The following MYH11 variants were observed in gnomAD, a reference collection of about 807,000 sequenced individuals.
MYH11 encodes myosin-11.
A neutral mutation model predicts 246.6 loss-of-function variants in MYH11; 80 were observed. The ratio of observed to expected loss-of-function variants is 0.32; its 90% CI spans 0.27 to 0.39. The LOEUF (loss-of-function observed/expected upper bound fraction) is 0.39, where lower values mean the gene tolerates loss of function less well. MYH11 is among the 10% of genes least tolerant of loss of function. The pLI is 1.00. For missense variants in MYH11, 2,158 were observed against 2,546.8 expected (o/e 0.85, Z 3.29); for synonymous variants, 1,071 against 1,015.5 (o/e 1.05, Z -1.04).
At chr16:15,799,383 C>T (rs1197709182) in intron 3 of MYH11, among the ~76,000 whole-genome samples, 3 of 152,142 alleles carry the variant, frequency 2.0e-5, no homozygotes, top group Non-Finnish European at 4.4e-5. Flanking sequence ...TCCTTTCTGC[C>T]CCTGGGCCCA....
intron 24 of MYH11, 116 bp downstream of exon 24, chr16:15,738,449 G>A (rs941838175): frequency 1.0e-6 from 1 of 982,172 alleles, no homozygotes; most frequent in African/African-American, 1.6e-5. Flanking sequence ...GGAGTTTCGG[G>A]CTGCAGTGAG....
chr16:15,854,830 C>A, intron 1 of MYH11, among the ~76,000 whole-genome samples: 1 of 120,032 alleles, frequency 8.3e-6, no homozygotes, highest in Non-Finnish European at 1.8e-5. Context: ...CAATTCCCTC[C>A]CACCCCCCAC....
At chr16:15,795,748 G>A (rs1179837787) in intron 4 of MYH11, among the ~76,000 whole-genome samples, 1 of 152,234 alleles carries the variant, frequency 6.6e-6, no homozygotes, top group Non-Finnish European at 1.5e-5. Context: ...GCAGTGGCCT[G>A]TTTCTCAGTT....
At chr16:15,823,794 G>A (rs1196944875) in intron 2 of MYH11, among the ~76,000 whole-genome samples, 1 of 152,002 alleles carries the variant, frequency 6.6e-6, no homozygotes, top group Non-Finnish European at 1.5e-5. Flanking sequence ...CCTGGCTGAT[G>A]TTTATATTTT....
intron 3 of MYH11, among the ~76,000 whole-genome samples, chr16:15,818,140 C>T (rs58037351): frequency 0.074 from 11,231 of 152,252 alleles, 493 homozygotes; most frequent in South Asian, 0.13. Flanking sequence ...TTACCCATCC[C>T]TCCTCAATCC....
chr16:15,729,234 G>A (rs1445255522), intron 27 of MYH11, among the ~76,000 whole-genome samples: 1 of 152,114 alleles, frequency 6.6e-6, no homozygotes, highest in Non-Finnish European at 1.5e-5. Context: ...ACGAGGGCCT[G>A]GGGAGCCCAG....
chr16:15,715,856 T>C (rs959175794), intron 38 of MYH11, among the ~76,000 whole-genome samples: 10 of 152,214 alleles, frequency 6.6e-5, no homozygotes, highest in Admixed American at 6.5e-4. Flanking sequence ...CCAGGCGTGG[T>C]GGCTCATGCC....
Position 15,750,096 on chromosome 16 carries a change from C to T in MYH11, c.2058+42G>A. On this transcript the variant is annotated intron_variant, in intron 16 of 40. Coordinates refer to ENST00000300036, the MANE Select transcript of MYH11 (RefSeq NM_002474.3). The surrounding 1 kb of genome is among the most constrained non-coding windows in gnomAD (Gnocchi z 4.3). ...GGACGCTGTGACCGCTTGGGACAGCCCTGGCTTCTGGGAGCCCCAGGGTCT... is the reference window on the plus strand; with the variant it reads ...GGACGCTGTGACCGCTTGGGACAGCTCTGGCTTCTGGGAGCCCCAGGGTCT... The T allele has an allele frequency of 6.2e-7, 1 of 1,612,892 alleles. No individual in the cohort carries two copies.
chr16:15,773,912 C>G (rs1346894051), intron 8 of MYH11, among the ~76,000 whole-genome samples: 2 of 152,170 alleles, frequency 1.3e-5, no homozygotes, highest in Non-Finnish European at 2.9e-5. Context: ...GCTTCTCCCC[C>G]ACCCCCAACT....
At chr16:15,746,604 G>C (rs897515908) in intron 19 of MYH11, among the ~76,000 whole-genome samples, 4 of 152,084 alleles carry the variant, frequency 2.6e-5, no homozygotes, top group Non-Finnish European at 4.4e-5. Flanking sequence ...CCCAGACAGA[G>C]AGCGACCCCA....
rs561070325 is a variant in MYH11, at chr16:15,748,509, C to G, written c.2059-341G>C. 2.0e-5 allele frequency among the ~76,000 whole-genome samples: 3 copies of G among 152,320 alleles called. No individual in the cohort carries two copies. The East Asian group carries it at 5.8e-4, about 29-fold the overall frequency. On this transcript the variant is annotated intron_variant, in intron 16 of 40. Coordinates refer to ENST00000300036, the MANE Select transcript of MYH11 (RefSeq NM_002474.3). The stretch of plus-strand genomic sequence containing the variant: ...AGCTCCCAAATATCTCCCAACCCCC[C>G]CACTTCTCTTCACCACCATTGTCTC...
chr16:15,758,066 A>G (rs2041777711), intron 12 of MYH11, 66 bp from the exon 13 acceptor site: 9 of 1,608,418 alleles, frequency 5.6e-6, no homozygotes, highest in Non-Finnish European at 7.6e-6. Flanking sequence ...AAGGAGCCCC[A>G]CAGAAGCTCC....
intron 2 of MYH11, among the ~76,000 whole-genome samples, chr16:15,833,385 G>GAGGAAGGAAGGGAGGGAGGAAGGA (rs2043800465): frequency 9.0e-6 from 1 of 110,508 alleles, no homozygotes; most frequent in African/African-American, 3.1e-5. Flanking sequence ...GGGAGGGAGG[G>GAGGAAGGAAGGGAGGGAGGAAGGA]AGGAAGGAAG....
chr16:15,825,375 C>A (rs952927037), intron 2 of MYH11, among the ~76,000 whole-genome samples: 2 of 147,104 alleles, frequency 1.4e-5, no homozygotes, highest in African/African-American at 5.2e-5. Flanking sequence ...AACAGCCGGA[C>A]CCCCTCTCTA....
At chr16:15,727,399 C>G (rs1210718901) in intron 27 of MYH11, among the ~76,000 whole-genome samples, 1 of 152,034 alleles carries the variant, frequency 6.6e-6, no homozygotes, top group Non-Finnish European at 1.5e-5. Context: ...CGAGGTTTCA[C>G]CATGTTAGCC....
At chr16:15,805,187 C>G (rs2042981507) in intron 3 of MYH11, among the ~76,000 whole-genome samples, 1 of 152,154 alleles carries the variant, frequency 6.6e-6, no homozygotes, top group Non-Finnish European at 1.5e-5. Context: ...TATGGAGAAA[C>G]TATTTGCATT....
intron 8 of MYH11, among the ~76,000 whole-genome samples, chr16:15,772,285 T>C (rs1156495024): frequency 1.3e-5 from 2 of 151,392 alleles, no homozygotes; most frequent in Non-Finnish European, 2.9e-5. Context: ...AGAGATGGGG[T>C]TTCACCATGT....
chr16:15,758,865 G>A (rs546127767), intron 12 of MYH11, among the ~76,000 whole-genome samples: 1 of 151,396 alleles, frequency 6.6e-6, no homozygotes, highest in East Asian at 1.9e-4. Context: ...TCAGGAGGCT[G>A]AGACAAGAGA....
At chr16:15,751,137 TATTATTATTA>T (rs958950251) in intron 15 of MYH11, among the ~76,000 whole-genome samples, 13 of 148,488 alleles carry the variant, frequency 8.8e-5, no homozygotes, top group African/African-American at 3.2e-4. Flanking sequence ...TTATTATTAT[TATTATTATTA>T]TTATTATTAT....
Sources: allele counts gnomAD v4.1 joint callset (sites outside exome capture counted in the v4.1 genomes callset), GRCh38; gene constraint gnomAD v4.1.1; non-coding constraint Gnocchi (gnomAD v3.1); transcripts MANE v1.5; gene names NCBI Gene and HGNC (gene_info 2026-07-23, HGNC 2026-07-21).